The following DNAH5 variants were observed in gnomAD, a reference collection of about 807,000 sequenced individuals.
DNAH5 encodes dynein axonemal heavy chain 5.
Under a neutral mutation model 518.2 loss-of-function variants are expected in DNAH5, and 372 were observed. That is an observed-to-expected ratio of 0.72 (90% CI 0.66 to 0.78). The LOEUF (loss-of-function observed/expected upper bound fraction) is 0.78, where lower values mean the gene tolerates loss of function less well. Among genes scored for constraint, DNAH5 ranks in the 30% least tolerant of loss-of-function variants. The probability of loss-of-function intolerance (pLI) is 0.00; values close to 1 mark genes in which losing one functional copy is unlikely to be tolerated. For missense variants in DNAH5, 5,523 were observed against 5,687.0 expected, an observed-to-expected ratio of 0.97 and a Z score of 0.93; for synonymous variants, 2,039 against 2,025.9, an observed-to-expected ratio of 1.01 and a Z score of -0.17.
At chr5:13,701,234 C>T in intron 77 of DNAH5, 50 bp downstream of exon 77, 1 of 1,612,142 alleles carries the variant, frequency 6.2e-7, no homozygotes, top group Non-Finnish European at 8.5e-7. Context: ...ATGGAAAATC[C>T]TGTGGAGGAA....
intron 9 of DNAH5, among the ~76,000 whole-genome samples, 165 bp from the exon 10 acceptor site, chr5:13,914,807 G>C (rs960479678): frequency 7.9e-5 from 12 of 151,974 alleles, no homozygotes; most frequent in African/African-American, 2.9e-4. Context: ...ATAACCCTTT[G>C]ATATTGTCAA....
chr5:13,904,870 C>G (rs1775094328), intron 12 of DNAH5, among the ~76,000 whole-genome samples: 1 of 152,030 alleles, frequency 6.6e-6, no homozygotes, highest in African/African-American at 2.4e-5. Context: ...AAGATCGCAC[C>G]ACTGCACTCC....
At chr5:13,993,308 T>C (rs747931542) in intron 1 of DNAH5, among the ~76,000 whole-genome samples, 2 of 152,220 alleles carry the variant, frequency 1.3e-5, no homozygotes, top group African/African-American at 2.4e-5. Flanking sequence ...TCACTGTCTC[T>C]AAATTTTCTC....
At chr5:13,947,147 TAA>T (rs765457140), upstream of DNAH5, among the ~76,000 whole-genome samples, 2 of 152,234 alleles carry the variant, frequency 1.3e-5, no homozygotes, top group Non-Finnish European at 2.9e-5. Flanking sequence ...TAATGACAAG[TAA>T]AATGTTACAA....
At chr5:13,722,292 G>T (rs945399079) in intron 70 of DNAH5, among the ~76,000 whole-genome samples, 26 of 152,288 alleles carry the variant, frequency 1.7e-4, no homozygotes, top group African/African-American at 6.3e-4. Context: ...AAACATCAGA[G>T]TTTGATTTAC....
At chr5:13,966,387 A>AT (rs1418783228) in intron 1 of DNAH5, among the ~76,000 whole-genome samples, 1 of 152,194 alleles carries the variant, frequency 6.6e-6, no homozygotes, top group East Asian at 1.9e-4. Flanking sequence ...CAGTAGTGGA[A>AT]TTACTGGATC....
rs1282509984 is a variant in DNAH5 at position 13,866,085 on chromosome 5, A to G, written c.4116+135T>C. 5 of 921,186 alleles carry G rather than the reference A, an allele frequency of 5.4e-6. No homozygotes were observed. In the African/African-American group the frequency reaches 8.4e-5, roughly 15 times the overall value. The allele number at this position is 921,186 out of a possible 1,614,324, so 57.1% of individuals were successfully genotyped here. On this transcript the variant is annotated intron_variant, in intron 26 of 78. Transcript: ENST00000265104. ...AACTACTTCTAATTGTAATCCTACA[A>G]TATCGTATTTTTAATGCAAGTACAT...
chr5:13,754,306 G>A lies in DNAH5; in HGVS notation c.10452C>T (p.His3484=), dbSNP rs760753312. ...TGAGCGTGGAAGCTGTCTGCATCTT[G>A]TGTCTGCATCGCTCTGCATCTTCAA... ...TLLEDAERCR[H]KMQTASTLIS... The change falls in exon 62 of 79, where the codon CAC becomes CAT. Residue 3484 remains histidine (H), a synonymous_variant. Transcript: ENST00000265104. 3 of 1,614,082 alleles carry A rather than the reference G, an allele frequency of 1.9e-6. No individual in the cohort carries two copies. Among genetic ancestry groups the A allele is most frequent in the South Asian group, 1.1e-5 (1 of 91,078 alleles).
intron 1 of DNAH5, among the ~76,000 whole-genome samples, chr5:13,938,540 G>A (rs2896118): frequency 0.38 from 56,337 of 146,876 alleles, 11,459 homozygotes; most frequent in East Asian, 0.69. Flanking sequence ...ATGTACATAT[G>A]TATATATAAA....
At chr5:13,735,751 A>C in intron 67 of DNAH5, 67 bp downstream of exon 67, 1 of 1,199,736 alleles carries the variant, frequency 8.3e-7, no homozygotes, top group African/African-American at 1.5e-5. Context: ...AGGAAGTTAT[A>C]AATGTAATGT....
intron 59 of DNAH5, among the ~76,000 whole-genome samples, chr5:13,765,608 T>C: frequency 6.6e-6 from 1 of 152,330 alleles, no homozygotes; most frequent in Non-Finnish European, 1.5e-5. Context: ...TGTGCATTTA[T>C]TCATGTTAAG....
intron 17 of DNAH5, among the ~76,000 whole-genome samples, chr5:13,890,439 C>T (rs1312173435): frequency 6.6e-6 from 1 of 150,398 alleles, no homozygotes; most frequent in East Asian, 2.0e-4. Context: ...TGGAGATCTT[C>T]TGAGGGCCTT....
chr5:13,912,683 T>C (rs1373329241), intron 11 of DNAH5, among the ~76,000 whole-genome samples: 3 of 151,540 alleles, frequency 2.0e-5, no homozygotes, highest in Non-Finnish European at 3.0e-5. Flanking sequence ...TATAGTGTTA[T>C]ATAAATTGTC....
chr5:13,738,450 C>A (rs1561145436), intron 65 of DNAH5, among the ~76,000 whole-genome samples: 1 of 152,310 alleles, frequency 6.6e-6, no homozygotes, highest in East Asian at 1.9e-4. Flanking sequence ...AACTGAGCTG[C>A]AACTGTGAGC....
rs969402792 is a variant in DNAH5, at chr5:13,751,884, G to A, written c.11028+250C>T. On this transcript the variant is annotated intron_variant, in intron 64 of 78. Coordinates refer to ENST00000265104, the MANE Select transcript of DNAH5 (RefSeq NM_001369.3). The stretch of plus-strand genomic sequence containing the variant: ...TGGGGCAGAAGGGGAGAGGGGCATG[G>A]AGAGGCTTCAAAGCTGTCAGCATCA... 4.6e-4 allele frequency among the ~76,000 whole-genome samples: 70 copies of A among 152,174 alleles called. 1 individual carries two copies. Among genetic ancestry groups the A allele is most frequent in the Admixed American group, 4.5e-3 (69 of 15,274 alleles).
Position 13,965,094 on chromosome 5 carries a change from T to C in DNAH5, c.13-33850A>G, listed in dbSNP as rs547183331. On this transcript the variant is annotated intron_variant, in intron 1 of 78. Coordinates refer to the DNAH5 transcript ENST00000681290. ...TGCCAGTCCCTCCCCTCCATCATCA[T>C]AGCCTTTCATTCTTACACACGGCAC... 5.9e-5 allele frequency among the ~76,000 whole-genome samples: 9 copies of C among 152,288 alleles called. No individual in the cohort carries two copies. In the South Asian group the frequency reaches 1.7e-3, roughly 28 times the overall value.
chr5:13,906,599 T>C (rs1052428286), intron 12 of DNAH5, among the ~76,000 whole-genome samples: 1 of 152,118 alleles, frequency 6.6e-6, no homozygotes, highest in Non-Finnish European at 1.5e-5. Flanking sequence ...GGAGGACATC[T>C]CAGTAAATAC....
chr5:13,943,816 C>T (rs16902963), intron 1 of DNAH5, among the ~76,000 whole-genome samples: 2,761 of 152,274 alleles, frequency 0.018, 83 homozygotes, highest in African/African-American at 0.062. Flanking sequence ...TTTCTTCTGA[C>T]GTTAATTGGC....
chr5:13,831,214 T>C (rs551204207), intron 35 of DNAH5, among the ~76,000 whole-genome samples: 66 of 152,116 alleles, frequency 4.3e-4, no homozygotes, highest in African/African-American at 1.5e-3. Flanking sequence ...AATCTAAGAG[T>C]TGGCCATTTG....
Sources: allele counts gnomAD v4.1 joint callset (sites outside exome capture counted in the v4.1 genomes callset), GRCh38; gene constraint gnomAD v4.1.1; transcripts MANE v1.5; gene names NCBI Gene and HGNC (gene_info 2026-07-23, HGNC 2026-07-21).